The following TMEM39B variants were observed in gnomAD, a reference collection of about 807,000 sequenced individuals.
TMEM39B encodes the protein transmembrane protein 39B.
A neutral mutation model predicts 52.2 loss-of-function variants in TMEM39B; 23 were observed. That is an observed-to-expected ratio of 0.44 (90% CI 0.32 to 0.62). TMEM39B has a LOEUF of 0.62. Ranked by LOEUF, TMEM39B falls within the 20% of genes least tolerant of loss-of-function variation. The pLI, the probability that TMEM39B is intolerant of heterozygous loss-of-function variation, is 0.06. For missense variants in TMEM39B, 547 were observed against 642.0 expected (o/e 0.85, Z 1.60); for synonymous variants, 285 against 264.0 (o/e 1.08, Z -0.77).
At position 32,072,961 on chromosome 1, in the gene TMEM39B, C is replaced by A; in HGVS notation, c.-87C>A. ...GCTGATACCCGGGACTGGGCTGCGG[C>A]GGTTAGTCCTCTCCCGGCCGCCGTC... On this transcript the variant is annotated 5_prime_UTR_variant, in exon 1 of 9. Transcript: ENST00000336294. 1 of 1,498,484 alleles carries A rather than the reference C, an allele frequency of 6.7e-7. No homozygotes were observed. Among genetic ancestry groups the A allele is most frequent in the Non-Finnish European group, 9.0e-7 (1 of 1,113,436 alleles). The allele number at this position is 1,498,484 out of a possible 1,614,324, so 92.8% of individuals were successfully genotyped here.
chr1:32,076,081 A>T, intron 3 of TMEM39B: 5 of 236,922 alleles, frequency 2.1e-5, no homozygotes, highest in Non-Finnish European at 4.0e-5. Context: ...AGGAGCTCAG[A>T]GTCCTTTTCT....
chr1:32,083,511 T>G (rs1244640765), intron 5 of TMEM39B, among the ~76,000 whole-genome samples: 1 of 134,566 alleles, frequency 7.4e-6, no homozygotes, highest in Non-Finnish European at 1.6e-5. Context: ...CAACCTTCAC[T>G]TCCCAGTTTC....
intron 5 of TMEM39B, among the ~76,000 whole-genome samples, chr1:32,087,979 A>T (rs1640437275): frequency 6.7e-6 from 1 of 148,286 alleles, no homozygotes; most frequent in Non-Finnish European, 1.5e-5. Flanking sequence ...TGGCTAAATT[A>T]TGTGACTCTG....
chr1:32,101,632 G>C (rs1247455587), intron 8 of TMEM39B, among the ~76,000 whole-genome samples: 1 of 152,126 alleles, frequency 6.6e-6, no homozygotes, highest in Non-Finnish European at 1.5e-5. Context: ...TCATTTCACA[G>C]TTGAGACATC....
intron 5 of TMEM39B, among the ~76,000 whole-genome samples, chr1:32,081,458 T>G (rs1281998099): frequency 6.6e-6 from 1 of 151,916 alleles, no homozygotes; most frequent in Admixed American, 6.6e-5. Flanking sequence ...TTTAAAAATT[T>G]ATTTATTGGC....
intron 4 of TMEM39B, 63 bp downstream of exon 4, chr1:32,076,909 AG>A (rs1279932313): frequency 6.4e-7 from 1 of 1,559,036 alleles, no homozygotes; most frequent in African/African-American, 1.4e-5. Context: ...GGGGATGCCA[AG>A]GAAACATGCC....
At chr1:32,089,324 G>A (rs955513676) in intron 5 of TMEM39B, among the ~76,000 whole-genome samples, 1 of 151,678 alleles carries the variant, frequency 6.6e-6, no homozygotes, top group Non-Finnish European at 1.5e-5. Context: ...TAGAGACAAG[G>A]GTTTCGCCAT....
At chr1:32,091,643 AG>A (rs1418742989) in intron 5 of TMEM39B, 31 bp from the exon 6 acceptor site, 1 of 1,555,170 alleles carries the variant, frequency 6.4e-7, no homozygotes, top group African/African-American at 1.4e-5. Flanking sequence ...GCCCATGGGC[AG>A]GCCTTCCCTC....
chr1:32,073,156 A>G, intron 1 of TMEM39B, 105 bp downstream of exon 1: 1 of 1,206,214 alleles, frequency 8.3e-7, no homozygotes, highest in Non-Finnish European at 1.1e-6. Context: ...CGGTGACGGG[A>G]GGGGGAGGGG....
intron 6 of TMEM39B, 24 bp downstream of exon 6, chr1:32,092,035 G>C (rs1439609390): frequency 1.2e-6 from 2 of 1,601,930 alleles, no homozygotes; most frequent in Non-Finnish European, 1.7e-6. Flanking sequence ...GCCAGGGAGG[G>C]AAAGGGACTA....
chr1:32,079,185 C>CTTTTTTTT (rs763260333), intron 5 of TMEM39B, among the ~76,000 whole-genome samples: 1 of 129,172 alleles, frequency 7.7e-6, no homozygotes, highest in Non-Finnish European at 1.7e-5. Context: ...CTATTTCTTT[C>CTTTTTTTT]TTTTTTTTTT....
intron 3 of TMEM39B, 104 bp downstream of exon 3, chr1:32,075,926 C>T: frequency 2.7e-6 from 2 of 746,060 alleles, no homozygotes; most frequent in South Asian, 1.9e-5. Flanking sequence ...CTACTAAGCA[C>T]CACTGTGCAC....
Position 32,102,504 on chromosome 1 carries a change from T to G in TMEM39B, c.1310T>G (p.Leu437Arg). The change falls in exon 9 of 9, where the codon CTG (leucine) becomes CGG (arginine). Residue 437 changes from leucine to arginine, a missense_variant. Leu to Arg is a moderately radical substitution (Grantham distance 102). Transcript: ENST00000336294. ...GAGGGCGCTGTCATTGTCTATCAGC[T>G]GTACTCCCTAATGTCCTCTGAAAAG... The part of the protein sequence containing the change: ...LLEGAVIVYQ[L>R]YSLMSSEKWH... 6.2e-7 allele frequency: 1 copy of G among 1,614,224 alleles called. No homozygotes were observed. Among genetic ancestry groups the G allele is most frequent in the Non-Finnish European group, 8.5e-7 (1 of 1,180,032 alleles).
chr1:32,100,583 A>G (rs775262058), intron 8 of TMEM39B, 21 bp downstream of exon 8: 17 of 1,613,882 alleles, frequency 1.1e-5, no homozygotes, highest in Non-Finnish European at 1.3e-5. Context: ...TCCCCGGGGA[A>G]GGAGGGTTGG....
chr1:32,102,804 C>A lies in TMEM39B; in HGVS notation c.*131C>A. The A allele has an allele frequency of 3.7e-6, 4 of 1,072,288 alleles. No individual in the cohort carries two copies. Among genetic ancestry groups the A allele is most frequent in the Non-Finnish European group, 2.5e-6 (2 of 804,658 alleles). The allele number at this position is 1,072,288 out of a possible 1,614,324, so 66.4% of individuals were successfully genotyped here. ...CCACCAGAGCTTTGTATTTTTGTTA[C>A]GTACTGTTTCTTTGATAATTGATGT... is the stretch of plus-strand genomic sequence containing the variant. On this transcript the variant is annotated 3_prime_UTR_variant, in exon 9 of 9. Transcript: ENST00000336294.
At chr1:32,082,811 G>A (rs1156322173) in intron 5 of TMEM39B, among the ~76,000 whole-genome samples, 1 of 151,010 alleles carries the variant, frequency 6.6e-6, no homozygotes, top group African/African-American at 2.4e-5. Context: ...GTCTCGCTCT[G>A]TCGCCCAGGC....
chr1:32,091,639 G>A (rs1245706430), intron 5 of TMEM39B, 36 bp from the exon 6 acceptor site: 1 of 1,553,712 alleles, frequency 6.4e-7, no homozygotes, highest in East Asian at 2.3e-5. Flanking sequence ...CCTGGCCCAT[G>A]GGCAGGCCTT....
chr1:32,091,512 G>A (rs1640600818), intron 5 of TMEM39B, among the ~76,000 whole-genome samples, 163 bp from the exon 6 acceptor site: 2 of 152,200 alleles, frequency 1.3e-5, no homozygotes, highest in African/African-American at 4.8e-5. Flanking sequence ...TGAGTGACTG[G>A]CCATTGGATG....
intron 8 of TMEM39B, among the ~76,000 whole-genome samples, chr1:32,101,246 T>C (rs1372148566): frequency 6.6e-6 from 1 of 152,134 alleles, no homozygotes. Context: ...AAAGATATGC[T>C]AGGGTTATCT....
Sources: gnomAD v4.1 joint callset for allele counts (sites outside exome capture counted in the v4.1 genomes callset) on GRCh38, gnomAD v4.1.1 for gene constraint, MANE v1.5 for transcripts, NCBI Gene and HGNC (gene_info 2026-07-23, HGNC 2026-07-21) for gene names.